Variants in MYO1D observed in about 807,000 individuals in gnomAD.
The protein encoded by MYO1D is myosin ID.
A neutral mutation model predicts 122.0 loss-of-function variants in MYO1D; 83 were observed. The observed-to-expected ratio is 0.68, with a 90% confidence interval of 0.57 to 0.82. The LOEUF (loss-of-function observed/expected upper bound fraction) is 0.82, where lower values mean the gene tolerates loss of function less well. MYO1D is among the 40% of genes least tolerant of loss of function. MYO1D has a pLI of 0.00. For synonymous variants in MYO1D, 464 were observed against 446.9 expected, an observed-to-expected ratio of 1.04 and a Z score of -0.48; for missense variants, 1,157 against 1,269.5, an observed-to-expected ratio of 0.91 and a Z score of 1.35.
At chr17:32,858,471 G>A (rs1351164271) in intron 1 of MYO1D, among the ~76,000 whole-genome samples, 1 of 152,118 alleles carries the variant, frequency 6.6e-6, no homozygotes, top group Non-Finnish European at 1.5e-5. Flanking sequence ...TAACATTTTT[G>A]AAGGTTACAG....
intron 16 of MYO1D, among the ~76,000 whole-genome samples, chr17:32,701,250 A>G (rs2089244839): frequency 3.9e-5 from 6 of 152,218 alleles, no homozygotes; most frequent in Admixed American, 3.9e-4. Context: ...ATCAATTATC[A>G]CAAAGAACTA....
intron 1 of MYO1D, among the ~76,000 whole-genome samples, chr17:32,798,540 C>T (rs904820196): frequency 1.3e-5 from 2 of 152,196 alleles, no homozygotes; most frequent in Admixed American, 1.3e-4. Context: ...GCACGTGGAA[C>T]TTCTACGGTG....
intron 21 of MYO1D, among the ~76,000 whole-genome samples, chr17:32,553,512 T>C (rs192804133): frequency 6.6e-6 from 1 of 152,206 alleles, no homozygotes; most frequent in Admixed American, 6.5e-5. Context: ...AAGAATCAGC[T>C]CCTCTTCTAG....
chr17:32,713,542 T>G (rs1259245467), intron 15 of MYO1D, among the ~76,000 whole-genome samples: 1 of 152,144 alleles, frequency 6.6e-6, no homozygotes, highest in Non-Finnish European at 1.5e-5. Context: ...GTTTTACAGT[T>G]CCAGGCAAAA....
chr17:32,629,029 T>C (rs1380851572), intron 20 of MYO1D, among the ~76,000 whole-genome samples: 1 of 152,190 alleles, frequency 6.6e-6, no homozygotes, highest in Admixed American at 6.5e-5. Context: ...TAATGAACTA[T>C]TTCTTGACTA....
intron 20 of MYO1D, among the ~76,000 whole-genome samples, chr17:32,634,540 T>C (rs1444852620): frequency 2.0e-5 from 3 of 152,232 alleles, no homozygotes; most frequent in South Asian, 2.1e-4. Flanking sequence ...GTATTTTTTA[T>C]AGTGCATTAG....
intron 7 of MYO1D, among the ~76,000 whole-genome samples, chr17:32,766,176 C>T (rs2090054636): frequency 6.6e-6 from 1 of 151,976 alleles, no homozygotes; most frequent in Non-Finnish European, 1.5e-5. Context: ...TGTGAGCAAC[C>T]CCGCCCAGCT....
In MYO1D at chr17:32,585,661, C is replaced by T. The variant is rs564410639; in HGVS notation, c.2864+19426G>A. 5.6e-4 allele frequency among the ~76,000 whole-genome samples: 84 copies of T among 148,798 alleles called. 1 individual carries two copies. The highest frequency in any genetic ancestry group is 1.9e-3 in the African/African-American group (78 of 40,368). ...AAGGGAATCTTTTGAACGTGGGAGG[C>T]GGAGGTTGCAGTGAGCTGAGATCGC... On this transcript the variant is annotated intron_variant, in intron 21 of 21. Coordinates refer to ENST00000318217, the MANE Select transcript of MYO1D (RefSeq NM_015194.3).
At chr17:32,522,607 G>A (rs1910183827) in intron 21 of MYO1D, among the ~76,000 whole-genome samples, 1 of 152,160 alleles carries the variant, frequency 6.6e-6, no homozygotes, top group Admixed American at 6.5e-5. Context: ...GACTGGAGGA[G>A]GCTAGGATGG....
At chr17:32,728,558 A>T (rs1013459723) in intron 14 of MYO1D, among the ~76,000 whole-genome samples, 1 of 152,358 alleles carries the variant, frequency 6.6e-6, no homozygotes, top group Non-Finnish European at 1.5e-5. Flanking sequence ...AAATTTAGCA[A>T]ATTTCTAAAA....
chr17:32,495,140 CCAGCG>C (rs1218485384), intron 21 of MYO1D, among the ~76,000 whole-genome samples: 1 of 152,220 alleles, frequency 6.6e-6, no homozygotes, highest in African/African-American at 2.4e-5. Flanking sequence ...GGCTCCCATG[CCAGCG>C]CATGGGACTG....
chr17:32,709,425 A>G (rs2089348254), intron 16 of MYO1D, among the ~76,000 whole-genome samples: 1 of 152,228 alleles, frequency 6.6e-6, no homozygotes, highest in Non-Finnish European at 1.5e-5. Context: ...CCTACAGGTA[A>G]GTACTTGAGA....
intron 21 of MYO1D, among the ~76,000 whole-genome samples, chr17:32,522,698 T>C (rs1910188340): frequency 6.6e-6 from 1 of 151,724 alleles, no homozygotes; most frequent in Non-Finnish European, 1.5e-5. Context: ...ACGAGTGGGG[T>C]AGAGGAGTCA....
chr17:32,724,802 G>C (rs764456998), intron 14 of MYO1D, among the ~76,000 whole-genome samples: 2 of 152,170 alleles, frequency 1.3e-5, no homozygotes, highest in Non-Finnish European at 2.9e-5. Flanking sequence ...CTTGAAATTG[G>C]AATAGCTGAT....
chr17:32,593,196 C>T (rs1279401771), intron 21 of MYO1D, among the ~76,000 whole-genome samples: 1 of 152,180 alleles, frequency 6.6e-6, no homozygotes, highest in Non-Finnish European at 1.5e-5. Context: ...TTAATTTCCC[C>T]CTGGTGGCAA....
intron 1 of MYO1D, among the ~76,000 whole-genome samples, chr17:32,853,364 TC>T (rs1167931089): frequency 6.6e-6 from 1 of 152,180 alleles, no homozygotes; most frequent in East Asian, 1.9e-4. Context: ...CTTCAATGGC[TC>T]CCCATCACCA....
At chr17:32,616,455 G>A (rs2087769495) in intron 20 of MYO1D, among the ~76,000 whole-genome samples, 1 of 150,342 alleles carries the variant, frequency 6.7e-6, no homozygotes, top group South Asian at 2.1e-4. Context: ...CTACAGGCAT[G>A]TACCACCACA....
chr17:32,608,164 C>T (rs988509616), intron 20 of MYO1D, among the ~76,000 whole-genome samples: 4 of 152,082 alleles, frequency 2.6e-5, no homozygotes, highest in African/African-American at 7.2e-5. Flanking sequence ...AAAACTTTTG[C>T]TCTAAGGAAG....
rs185526374 is a variant in MYO1D at position 32,592,921 on chromosome 17, C to T, written c.2864+12166G>A. On this transcript the variant is annotated intron_variant, in intron 21 of 21. Transcript: ENST00000318217. ...TTCTTGCCCAGTACCGTATCACTTC[C>T]GCTTCTTTCGGGAAATGCTGGCCCC... Among the ~76,000 whole-genome samples, 13 of 152,274 alleles carry T rather than the reference C, an allele frequency of 8.5e-5. No individual in the cohort carries two copies. In the East Asian group the frequency reaches 2.5e-3, roughly 29 times the overall value.
Sources: gnomAD v4.1 joint callset for allele counts (sites outside exome capture counted in the v4.1 genomes callset) on GRCh38, gnomAD v4.1.1 for gene constraint, MANE v1.5 for transcripts, NCBI Gene and HGNC (gene_info 2026-07-23, HGNC 2026-07-21) for gene names.